Variants in RASGRF2 observed in about 807,000 individuals in gnomAD.
RASGRF2 encodes ras-specific guanine nucleotide-releasing factor 2.
Under a neutral mutation model 151.0 loss-of-function variants are expected in RASGRF2, and 76 were observed. That is an observed-to-expected ratio of 0.50 (90% CI 0.42 to 0.61). The LOEUF is 0.61. Among genes scored for constraint, RASGRF2 ranks in the 20% least tolerant of loss-of-function variants. The pLI, the probability that RASGRF2 is intolerant of heterozygous loss-of-function variation, is 0.00. For missense variants in RASGRF2, 1,148 were observed against 1,564.6 expected, an observed-to-expected ratio of 0.73 and a Z score of 4.49; for synonymous variants, 504 against 566.5, an observed-to-expected ratio of 0.89 and a Z score of 1.57.
chr5:81,159,863 G>C (rs539266872), intron 17 of RASGRF2, among the ~76,000 whole-genome samples: 2 of 152,084 alleles, frequency 1.3e-5, no homozygotes, highest in Non-Finnish European at 2.9e-5. Context: ...CCATGCTAAC[G>C]GCAGTGCCTA....
intron 18 of RASGRF2, among the ~76,000 whole-genome samples, chr5:81,191,873 CAAAT>C (rs1755159328): frequency 6.6e-6 from 1 of 151,638 alleles, no homozygotes; most frequent in African/African-American, 2.4e-5. Flanking sequence ...AGCAAATGAT[CAAAT>C]AAATAGTTTT....
At chr5:81,107,327 A>G (rs1752873474) in intron 12 of RASGRF2, among the ~76,000 whole-genome samples, 1 of 152,160 alleles carries the variant, frequency 6.6e-6, no homozygotes, top group South Asian at 2.1e-4. Context: ...GTGTCACTGC[A>G]TTCCAGCCTA....
intron 1 of RASGRF2, among the ~76,000 whole-genome samples, chr5:81,023,248 A>G (rs563218205): frequency 8.4e-4 from 128 of 152,312 alleles, no homozygotes; most frequent in African/African-American, 2.3e-3. Context: ...AAAGAAGAGG[A>G]ACTTATTGTC....
intron 1 of RASGRF2, among the ~76,000 whole-genome samples, chr5:80,984,311 C>T (rs1460094080): frequency 6.6e-6 from 1 of 152,218 alleles, no homozygotes; most frequent in African/African-American, 2.4e-5. Flanking sequence ...GCCTCGGCCT[C>T]CCAGGTGCTG....
rs139620583 is a variant in RASGRF2 at position 81,180,108 on chromosome 5, T to C, written c.2687-67T>C. 5.4e-5 allele frequency: 48 copies of C among 882,250 alleles called. No homozygotes were observed. In the African/African-American group the frequency reaches 6.2e-4, roughly 11 times the overall value. The allele number at this position is 882,250 out of a possible 1,614,324, so 54.7% of individuals were successfully genotyped here. A position where few individuals can be genotyped will look rare whatever the true frequency, so the allele number is the denominator to read the frequency against. On this transcript the variant is annotated intron_variant, in intron 17 of 26. Coordinates refer to ENST00000265080, the MANE Select transcript of RASGRF2 (RefSeq NM_006909.3). ...TCGTTAACCAATGTCCTAAAATATATGACCTTTTCCAGGTCCCTAGGGAGT... is the reference window on the plus strand; with the variant it reads ...TCGTTAACCAATGTCCTAAAATATACGACCTTTTCCAGGTCCCTAGGGAGT...
intron 13 of RASGRF2, among the ~76,000 whole-genome samples, chr5:81,110,503 G>T (rs912352002): frequency 6.6e-5 from 10 of 152,116 alleles, no homozygotes; most frequent in African/African-American, 2.4e-4. Context: ...ATTTCATGCT[G>T]GCTTCAACAC....
In RASGRF2 at chr5:81,201,314, T is replaced by C; in HGVS notation, c.2794-16T>C. 1 of 1,603,292 alleles carries C rather than the reference T, an allele frequency of 6.2e-7. No homozygotes were observed. The highest frequency in any genetic ancestry group is 8.5e-7 in the Non-Finnish European group (1 of 1,175,952). Reference sequence around the variant, plus strand: ...TTTCAAAGCTAAAATTTAAAAAGATTCATTTTATTTTACAGGATTTCGAAC... The same window carrying C: ...TTTCAAAGCTAAAATTTAAAAAGATCCATTTTATTTTACAGGATTTCGAAC... On this transcript the variant is annotated splice_polypyrimidine_tract_variant and intron_variant, in intron 18 of 26. Transcript: ENST00000265080.
intron 13 of RASGRF2, among the ~76,000 whole-genome samples, chr5:81,112,048 A>T (rs1277186039): frequency 6.6e-6 from 1 of 152,174 alleles, no homozygotes; most frequent in Non-Finnish European, 1.5e-5. Context: ...AATTAGAGAG[A>T]AGGAATCCAC....
At chr5:81,223,457 C>A (rs938487051) in intron 26 of RASGRF2, 1 of 151,814 alleles carries the variant, frequency 6.6e-6, no homozygotes, top group Non-Finnish European at 1.5e-5. Flanking sequence ...CTGGCGAACA[C>A]GGTGAAACCC....
chr5:81,014,171 A>G (rs949812827), intron 1 of RASGRF2, among the ~76,000 whole-genome samples: 1 of 152,126 alleles, frequency 6.6e-6, no homozygotes, highest in Non-Finnish European at 1.5e-5. Flanking sequence ...TTTCTCTTTT[A>G]TGTCTTCTGC....
intron 24 of RASGRF2, among the ~76,000 whole-genome samples, chr5:81,216,620 T>C (rs1416250325): frequency 6.6e-6 from 1 of 152,232 alleles, no homozygotes; most frequent in Non-Finnish European, 1.5e-5. Flanking sequence ...GCTTGATGTG[T>C]CTTATGTAAG....
chr5:81,136,313 T>C (rs1209129973), intron 17 of RASGRF2, among the ~76,000 whole-genome samples: 1 of 152,266 alleles, frequency 6.6e-6, no homozygotes, highest in Non-Finnish European at 1.5e-5. Context: ...TTAACATTTC[T>C]GGCAGGGCAG....
At chr5:81,149,976 A>G (rs1005457098) in intron 17 of RASGRF2, among the ~76,000 whole-genome samples, 2 of 152,198 alleles carry the variant, frequency 1.3e-5, no homozygotes, top group African/African-American at 2.4e-5. Context: ...ATGCCCTTGC[A>G]GGTTCACAAT....
At chr5:80,980,255 T>C (rs1042722074) in intron 1 of RASGRF2, among the ~76,000 whole-genome samples, 1 of 152,170 alleles carries the variant, frequency 6.6e-6, no homozygotes, top group South Asian at 2.1e-4. Context: ...ACCAAGAACA[T>C]TGTGTCCCCA....
intron 1 of RASGRF2, among the ~76,000 whole-genome samples, chr5:81,027,284 C>T (rs1750070020): frequency 6.6e-6 from 1 of 152,136 alleles, no homozygotes; most frequent in Admixed American, 6.5e-5. Context: ...CTGTAACAAA[C>T]ATGTCACATA....
At chr5:81,072,813 CTG>C (rs1365931540) in intron 4 of RASGRF2, among the ~76,000 whole-genome samples, 2 of 152,190 alleles carry the variant, frequency 1.3e-5, no homozygotes, top group Non-Finnish European at 2.9e-5. Context: ...TCCCAAATAA[CTG>C]GGACTACAGG....
Position 81,218,040 on chromosome 5 carries a change from C to T in RASGRF2, c.3552+567C>T, listed in dbSNP as rs116831502. 9.5e-3 allele frequency among the ~76,000 whole-genome samples: 1,444 copies of T among 152,148 alleles called. 25 individuals are homozygous for T. The highest frequency in any genetic ancestry group is 0.032 in the African/African-American group (1,326 of 41,520). ...TACAGGAGTGAGCTACCGCACCTGG[C>T]GACCAGCTAATTTTTATATCTTTAG... On this transcript the variant is annotated intron_variant, in intron 25 of 26. Transcript: ENST00000265080.
intron 17 of RASGRF2, among the ~76,000 whole-genome samples, chr5:81,175,217 G>A (rs1754747747): frequency 6.6e-6 from 1 of 152,116 alleles, no homozygotes; most frequent in Admixed American, 6.6e-5. Context: ...ATTACTTATG[G>A]TACTATATTT....
intron 1 of RASGRF2, among the ~76,000 whole-genome samples, chr5:81,012,659 CTG>C (rs1749504894): frequency 6.6e-6 from 1 of 152,122 alleles, no homozygotes. Flanking sequence ...CCACTTCAGA[CTG>C]AGGTGGGACA....
Sources: allele counts gnomAD v4.1 joint callset (sites outside exome capture counted in the v4.1 genomes callset), GRCh38; gene constraint gnomAD v4.1.1; transcripts MANE v1.5; gene names NCBI Gene and HGNC (gene_info 2026-07-23, HGNC 2026-07-21).